CABP5: variants seen among roughly 807,000 people sequenced by gnomAD.
The protein encoded by CABP5 is calcium-binding protein 5.
In CABP5, 17 loss-of-function variants were observed where a neutral mutation model predicts 21.9. The ratio of observed to expected loss-of-function variants is 0.78; its 90% CI spans 0.53 to 1.17. CABP5 has a LOEUF of 1.17. Ranked by LOEUF, CABP5 falls within the 50% of genes most tolerant of loss-of-function variation. The pLI is 0.00. For missense variants in CABP5, 229 were observed against 228.9 expected, an observed-to-expected ratio of 1.00 and a Z score of 0.00; for synonymous variants, 85 against 79.4, an observed-to-expected ratio of 1.07 and a Z score of -0.37.
At chr19:48,032,664 A>T (rs1404312444) in intron 5 of CABP5, among the ~76,000 whole-genome samples, 8 of 144,082 alleles carry the variant, frequency 5.6e-5, no homozygotes, top group South Asian at 2.2e-4. Flanking sequence ...ATGGAGTCTC[A>T]CTGTTGCCCG....
Position 48,030,094 on chromosome 19 carries a change from C to T in CABP5, c.*463G>A, listed in dbSNP as rs1412174830. On this transcript the variant is annotated 3_prime_UTR_variant, in exon 6 of 6. Transcript: ENST00000293255. Reference sequence around the variant, plus strand: ...CACCTGAATAAAGTATAATTTGTCCCCTTACCGGGAGAGAGAAACGGGATT... The same window carrying T: ...CACCTGAATAAAGTATAATTTGTCCTCTTACCGGGAGAGAGAAACGGGATT... 1 of 159,218 alleles carries T rather than the reference C, an allele frequency of 6.3e-6. No homozygotes were observed. Among genetic ancestry groups the T allele is most frequent in the Non-Finnish European group, 1.4e-5 (1 of 73,216 alleles). 9.9% of individuals were successfully genotyped at this position (159,218 alleles called of 1,614,324 possible). A position where few individuals can be genotyped will look rare whatever the true frequency, so the allele number is the denominator to read the frequency against.
chr19:48,039,671 G>C (rs924901632), intron 3 of CABP5, among the ~76,000 whole-genome samples: 2 of 119,574 alleles, frequency 1.7e-5, no homozygotes, highest in Non-Finnish European at 3.5e-5. Flanking sequence ...ACCTTGTTTA[G>C]TTCGTTACAT....
At chr19:48,040,844 C>G (rs1967471999) in intron 2 of CABP5, 96 bp from the exon 3 acceptor site, 1 of 1,216,332 alleles carries the variant, frequency 8.2e-7, no homozygotes, top group Admixed American at 2.0e-5. Context: ...ACTAGAGACT[C>G]CTTAAAGGAG....
intron 1 of CABP5, among the ~76,000 whole-genome samples, chr19:48,043,090 G>A (rs1206529645): frequency 6.6e-6 from 1 of 150,740 alleles, no homozygotes; most frequent in East Asian, 2.0e-4. Flanking sequence ...GCTCACTGCA[G>A]CCTCCACTTC....
chr19:48,036,684 C>T (rs1967411839), intron 4 of CABP5, among the ~76,000 whole-genome samples: 1 of 152,022 alleles, frequency 6.6e-6, no homozygotes, highest in Admixed American at 6.6e-5. Flanking sequence ...AATCTAATAA[C>T]TATGGGCAAA....
intron 1 of CABP5, among the ~76,000 whole-genome samples, chr19:48,042,678 G>A (rs1024720349): frequency 2.0e-5 from 3 of 151,502 alleles, no homozygotes; most frequent in Admixed American, 1.3e-4. Context: ...GGGTTCAAGC[G>A]ATTCTCCTGC....
rs1224439008 is a variant in CABP5 at position 48,029,828 on chromosome 19, G to GAGAGAGAGAGAGAGAGACAGAGAGAGAC, written c.*728_*729insGTCTCTCTCTGTCTCTCTCTCTCTCTCT. ...AGAGAGAGAGAGAGAGAGAGAGAGA[G>GAGAGAGAGAGAGAGAGACAGAGAGAGAC]AGAGAGAGAAACCAGACAGTGCTTC... On this transcript the variant is annotated 3_prime_UTR_variant, in exon 6 of 6. Transcript: ENST00000293255. The GAGAGAGAGAGAGAGAGACAGAGAGAGAC allele has an allele frequency of 1.3e-5, 2 of 150,422 alleles. No homozygotes were observed. Among genetic ancestry groups the GAGAGAGAGAGAGAGAGACAGAGAGAGAC allele is most frequent in the African/African-American group, 5.0e-5 (2 of 40,292 alleles). The allele number at this position is 150,422 out of a possible 1,614,324, so 9.3% of individuals were successfully genotyped here.
Position 48,044,005 on chromosome 19 carries a change from T to C in CABP5, c.-83A>G. 1 of 1,240,450 alleles carries C rather than the reference T, an allele frequency of 8.1e-7. No individual in the cohort carries two copies. The highest frequency in any genetic ancestry group is 1.1e-6 in the Non-Finnish European group (1 of 901,978). The allele number at this position is 1,240,450 out of a possible 1,614,324, so 76.8% of individuals were successfully genotyped here. A position where few individuals can be genotyped will look rare whatever the true frequency, so the allele number is the denominator to read the frequency against. Reference sequence around the variant, plus strand: ...TCCCTGTCGGAGCTCAGCCTCCTTATCTTCTCCAGCACTCCTTTGCCACCT... The same window carrying C: ...TCCCTGTCGGAGCTCAGCCTCCTTACCTTCTCCAGCACTCCTTTGCCACCT... On this transcript the variant is annotated 5_prime_UTR_variant, in exon 1 of 6. Coordinates refer to ENST00000293255, the MANE Select transcript of CABP5 (RefSeq NM_019855.5).
Position 48,044,013 on chromosome 19 carries a change from AG to A in CABP5, c.-92del. ...GGAGCTCAGCCTCCTTATCTTCTCC[AG>A]CACTCCTTTGCCACCTCTTCCTGCC... On this transcript the variant is annotated 5_prime_UTR_variant, in exon 1 of 6. Coordinates refer to ENST00000293255, the MANE Select transcript of CABP5 (RefSeq NM_019855.5). 8.7e-7 allele frequency: 1 copy of A among 1,150,224 alleles called. No homozygotes were observed. Among genetic ancestry groups the A allele is most frequent in the Non-Finnish European group, 1.2e-6 (1 of 825,186 alleles). The allele number at this position is 1,150,224 out of a possible 1,614,324, so 71.3% of individuals were successfully genotyped here.
At position 48,040,600 on chromosome 19, in the gene CABP5, C is replaced by A. The variant is rs776466045; in HGVS notation, c.238+5G>T. The A allele has an allele frequency of 8.7e-6, 14 of 1,613,736 alleles. No individual in the cohort carries two copies. The highest frequency in any genetic ancestry group is 1.1e-5 in the Non-Finnish European group (13 of 1,179,820). On this transcript the variant is annotated splice_donor_5th_base_variant and intron_variant, in intron 3 of 5. Transcript: ENST00000293255. ...CCGGCCATCCCTCCCATTCCCTGGA[C>A]TCACGGTTCATGCGGATTTGCTGGC... is the stretch of plus-strand genomic sequence containing the variant.
intron 2 of CABP5, among the ~76,000 whole-genome samples, chr19:48,041,020 CA>C (rs11309530): frequency 0.88 from 133,903 of 151,770 alleles, 59,482 homozygotes; most frequent in South Asian, 0.95. Flanking sequence ...CTACTAAATA[CA>C]AAAAAATTAG....
At position 48,030,474 on chromosome 19, in the gene CABP5, C is replaced by A. The variant is rs894421842; in HGVS notation, c.*83G>T. 3.5e-6 allele frequency: 5 copies of A among 1,436,824 alleles called. No homozygotes were observed. The African/African-American group carries it at 7.2e-5, about 21-fold the overall frequency. The allele number at this position is 1,436,824 out of a possible 1,614,324, so 89.0% of individuals were successfully genotyped here. A position where few individuals can be genotyped will look rare whatever the true frequency, so the allele number is the denominator to read the frequency against. The stretch of plus-strand genomic sequence containing the variant: ...CCCTCCCTCTCTGCTTTAAGGGGAT[C>A]TGGGGCTTTTGGGCTTTGGTTCTCC... On this transcript the variant is annotated 3_prime_UTR_variant, in exon 6 of 6. Transcript: ENST00000293255.
chr19:48,036,320 C>G (rs1444068488), intron 4 of CABP5, among the ~76,000 whole-genome samples: 1 of 152,152 alleles, frequency 6.6e-6, no homozygotes, highest in African/African-American at 2.4e-5. Context: ...CTTATTTCAC[C>G]CAGCATACTG....
intron 1 of CABP5, among the ~76,000 whole-genome samples, chr19:48,042,682 C>G (rs1967497024): frequency 6.6e-6 from 1 of 151,686 alleles, no homozygotes; most frequent in African/African-American, 2.4e-5. Flanking sequence ...TCAAGCGATT[C>G]TCCTGCCTCA....
intron 5 of CABP5, among the ~76,000 whole-genome samples, chr19:48,033,557 G>A (rs570872238): frequency 6.6e-6 from 1 of 152,134 alleles, no homozygotes; most frequent in Non-Finnish European, 1.5e-5. Flanking sequence ...AGAGGGACAC[G>A]GAGCCCAGTA....
chr19:48,038,563 A>G (rs539822270), intron 4 of CABP5, among the ~76,000 whole-genome samples: 10 of 152,264 alleles, frequency 6.6e-5, no homozygotes, highest in African/African-American at 2.2e-4. Context: ...ACGGTGGCTC[A>G]TGCCTGTAAT....
intron 4 of CABP5, among the ~76,000 whole-genome samples, chr19:48,037,259 CTTTTTTTTT>C (rs57230665): frequency 0.016 from 719 of 44,986 alleles, 24 homozygotes; most frequent in African/African-American, 0.05. Flanking sequence ...TACTATTCAG[CTTTTTTTTT>C]TTTTTTTTTT....
intron 5 of CABP5, among the ~76,000 whole-genome samples, chr19:48,031,618 T>C (rs979173205): frequency 6.6e-6 from 1 of 152,100 alleles, no homozygotes. Context: ...TAAGTGTCAC[T>C]TTACAGATAA....
chr19:48,037,315 C>G (rs1967423380), intron 4 of CABP5, among the ~76,000 whole-genome samples: 1 of 94,436 alleles, frequency 1.1e-5, no homozygotes, highest in African/African-American at 3.9e-5. Context: ...TTTACCCAGG[C>G]TGGAGTGCAG....
Sources: gnomAD v4.1 joint callset for allele counts (sites outside exome capture counted in the v4.1 genomes callset) on GRCh38, gnomAD v4.1.1 for gene constraint, MANE v1.5 for transcripts, NCBI Gene and HGNC (gene_info 2026-07-23, HGNC 2026-07-21) for gene names.